The following OXR1 variants were observed in gnomAD, a reference collection of about 807,000 sequenced individuals.
OXR1 encodes the protein oxidation resistance protein 1.
A neutral mutation model predicts 104.6 loss-of-function variants in OXR1; 41 were observed. The ratio of observed to expected loss-of-function variants is 0.39; its 90% CI spans 0.31 to 0.51. OXR1 has a LOEUF of 0.51. Among genes scored for constraint, OXR1 ranks in the 20% least tolerant of loss-of-function variants. OXR1 has a pLI of 0.77. For missense variants in OXR1, 955 were observed against 1,031.9 expected (o/e 0.93, Z 1.02); for synonymous variants, 348 against 348.4 (o/e 1.00, Z 0.01).
intron 3 of OXR1, among the ~76,000 whole-genome samples, chr8:106,566,683 T>C (rs1027445757): frequency 7.2e-5 from 11 of 152,192 alleles, no homozygotes; most frequent in Admixed American, 5.2e-4. Flanking sequence ...ATGTTTATTA[T>C]AGCACTATTC....
chr8:106,464,238 A>G (rs547841206), intron 2 of OXR1, among the ~76,000 whole-genome samples: 4 of 152,144 alleles, frequency 2.6e-5, no homozygotes, highest in Admixed American at 6.6e-5. Context: ...AAACATTTTC[A>G]AGCCCAATAT....
At chr8:106,694,491 T>C (rs1304867781) in intron 7 of OXR1, among the ~76,000 whole-genome samples, 2 of 72,102 alleles carry the variant, frequency 2.8e-5, no homozygotes, top group Non-Finnish European at 4.9e-5. Context: ...ATATTTGATA[T>C]ATAAATATGT....
intron 3 of OXR1, chr8:106,618,146 C>T (rs866390665): frequency 6.5e-6 from 10 of 1,536,000 alleles, no homozygotes; most frequent in East Asian, 2.4e-5. Flanking sequence ...GAGCAAGGTT[C>T]GAAGGAAGGA....
intron 1 of OXR1, among the ~76,000 whole-genome samples, chr8:106,280,512 T>C (rs78020201): frequency 0.28 from 42,562 of 152,000 alleles, 7,903 homozygotes; most frequent in African/African-American, 0.53. Context: ...TGGCTTTCTC[T>C]TCTGTGTCTC....
Position 106,560,985 on chromosome 8 carries a change from C to T in OXR1, c.220+41846C>T, listed in dbSNP as rs564720932. Reference sequence around the variant, plus strand: ...GGAACGGTGCATTCCGGCCCAGATACTATGCTTTTCCCATGGTCTTCTCAA... The same window carrying T: ...GGAACGGTGCATTCCGGCCCAGATATTATGCTTTTCCCATGGTCTTCTCAA... On this transcript the variant is annotated intron_variant, in intron 3 of 16. Transcript: ENST00000517566. Among the ~76,000 whole-genome samples, 36 of 152,286 alleles carry T rather than the reference C, an allele frequency of 2.4e-4. No homozygotes were observed. The South Asian group carries it at 6.4e-3, about 27-fold the overall frequency.
At chr8:106,321,740 C>T (rs933813268) in intron 1 of OXR1, among the ~76,000 whole-genome samples, 12 of 152,042 alleles carry the variant, frequency 7.9e-5, no homozygotes, top group Admixed American at 2.6e-4. Context: ...CTTCATAAGG[C>T]GGTATTTTCT....
rs907227134 is a variant in OXR1 at position 106,469,952 on chromosome 8, G to T, written c.24-48991G>T. Among the ~76,000 whole-genome samples the T allele has an allele frequency of 2.8e-4, 43 of 151,890 alleles. 1 individual carries two copies. The highest frequency in any genetic ancestry group is 9.2e-4 in the African/African-American group (38 of 41,502). Reference sequence around the variant, plus strand: ...AGACACAAATGAATCTGCGAAACAGGTATCTGTGGGGGAAGCATTTTAGGC... The same window carrying T: ...AGACACAAATGAATCTGCGAAACAGTTATCTGTGGGGGAAGCATTTTAGGC... On this transcript the variant is annotated intron_variant, in intron 2 of 16. Transcript: ENST00000517566.
Position 106,752,430 on chromosome 8 carries a change from T to C in OXR1, c.*1489T>C, listed in dbSNP as rs984174703. The C allele has an allele frequency of 1.3e-5, 2 of 152,564 alleles. No individual in the cohort carries two copies. Among genetic ancestry groups the C allele is most frequent in the Non-Finnish European group, 2.9e-5 (2 of 67,944 alleles). 9.5% of individuals were successfully genotyped at this position (152,564 alleles called of 1,614,324 possible). A position where few individuals can be genotyped will look rare whatever the true frequency, so the allele number is the denominator to read the frequency against. On this transcript the variant is annotated 3_prime_UTR_variant, in exon 17 of 17. Coordinates refer to ENST00000517566, the MANE Select transcript of OXR1 (RefSeq NM_001198533.2). ...GAAAAGAAAATCTGATGTTCTATTATAATATGCTATTGCTGAATATGAATA... is the reference window on the plus strand; with the variant it reads ...GAAAAGAAAATCTGATGTTCTATTACAATATGCTATTGCTGAATATGAATA...
At position 106,470,565 on chromosome 8, in the gene OXR1, G is replaced by A. The variant is rs116364943; in HGVS notation, c.24-48378G>A. Among the ~76,000 whole-genome samples the A allele has an allele frequency of 6.8e-3, 1,034 of 151,888 alleles. 11 individuals carry two copies. Among genetic ancestry groups the A allele is most frequent in the African/African-American group, 0.024 (994 of 41,516 alleles). On this transcript the variant is annotated intron_variant, in intron 2 of 16. Transcript: ENST00000517566. ...GATGTCCTTTAGGTGTCCAAATGGA[G>A]ATGCCAATAGGTTTTTGAGAATTTT...
intron 2 of OXR1, among the ~76,000 whole-genome samples, chr8:106,482,726 T>C (rs1822210009): frequency 6.6e-6 from 1 of 152,080 alleles, no homozygotes. Context: ...CTCCTTCATC[T>C]ATCTTATTAA....
At chr8:106,719,381 T>C (rs1358349980) in intron 11 of OXR1, among the ~76,000 whole-genome samples, 1 of 152,246 alleles carries the variant, frequency 6.6e-6, no homozygotes, top group East Asian at 1.9e-4. Flanking sequence ...CAAATTCACA[T>C]GTGCCATTCA....
At chr8:106,336,189 G>A (rs538308280) in intron 1 of OXR1, among the ~76,000 whole-genome samples, 21 of 152,188 alleles carry the variant, frequency 1.4e-4, no homozygotes, top group Non-Finnish European at 2.9e-4. Flanking sequence ...GGCAGGGCTA[G>A]CCAAAATGAG....
intron 2 of OXR1, among the ~76,000 whole-genome samples, chr8:106,452,513 A>C (rs1204155516): frequency 6.6e-6 from 1 of 152,194 alleles, no homozygotes; most frequent in Non-Finnish European, 1.5e-5. Context: ...CACCACCAAC[A>C]ACATTCTGTA....
chr8:106,639,896 C>T (rs1398656289), intron 3 of OXR1, among the ~76,000 whole-genome samples: 2 of 152,100 alleles, frequency 1.3e-5, no homozygotes, highest in Non-Finnish European at 2.9e-5. Flanking sequence ...TTCTCAGAGA[C>T]AGACACATAA....
At chr8:106,431,686 A>G (rs531761485) in intron 2 of OXR1, among the ~76,000 whole-genome samples, 1 of 152,326 alleles carries the variant, frequency 6.6e-6, no homozygotes, top group East Asian at 1.9e-4. Context: ...CACCTATACT[A>G]GCATCTGGCA....
At chr8:106,746,236 A>G (rs184936232) in intron 16 of OXR1, among the ~76,000 whole-genome samples, 9 of 23,528 alleles carry the variant, frequency 3.8e-4, no homozygotes, top group South Asian at 1.5e-3. Context: ...AACAAGTCCA[A>G]TTGTTTTCAT....
chr8:106,655,203 A>C (rs936458864), intron 3 of OXR1, among the ~76,000 whole-genome samples: 2 of 152,176 alleles, frequency 1.3e-5, no homozygotes, highest in African/African-American at 2.4e-5. Flanking sequence ...CTCAGGTTCA[A>C]AGATTACATT....
chr8:106,438,671 G>C (rs1042759598), intron 2 of OXR1, among the ~76,000 whole-genome samples: 1 of 152,072 alleles, frequency 6.6e-6, no homozygotes, highest in African/African-American at 2.4e-5. Flanking sequence ...TTTGTTCTTA[G>C]TGTTAAATCA....
At chr8:106,579,825 G>GT (rs1451669430) in intron 3 of OXR1, among the ~76,000 whole-genome samples, 1 of 151,794 alleles carries the variant, frequency 6.6e-6, no homozygotes, top group Non-Finnish European at 1.5e-5. Flanking sequence ...AATTCAGTGA[G>GT]TTTTGGGGTA....
Sources: allele counts gnomAD v4.1 joint callset (sites outside exome capture counted in the v4.1 genomes callset), GRCh38; gene constraint gnomAD v4.1.1; transcripts MANE v1.5; gene names NCBI Gene and HGNC (gene_info 2026-07-23, HGNC 2026-07-21).